ATP2C2: variants seen among roughly 807,000 people sequenced by gnomAD.
ATP2C2 encodes the protein ATPase secretory pathway Ca2+ transporting 2.
A neutral mutation model predicts 110.8 loss-of-function variants in ATP2C2; 171 were observed. The ratio of observed to expected loss-of-function variants is 1.54; its 90% confidence interval spans 1.36 to 1.75. The LOEUF is 1.75. Ranked by LOEUF, ATP2C2 falls within the 40% of genes most tolerant of loss-of-function variation. ATP2C2 has a pLI of 0.00. For missense variants in ATP2C2, 1,963 were observed against 1,235.0 expected (o/e 1.59, Z -8.84); for synonymous variants, 804 against 508.4 (o/e 1.58, Z -7.82).
intron 11 of ATP2C2, among the ~76,000 whole-genome samples, chr16:84,431,645 T>A (rs1908289272): frequency 6.6e-6 from 1 of 151,418 alleles, no homozygotes; most frequent in African/African-American, 2.4e-5. Context: ...TGGGAACATA[T>A]CCGAGGGTCA....
At position 84,372,649 on chromosome 16, in the gene ATP2C2, C is replaced by T. The variant is rs368289698; in HGVS notation, c.99+3935C>T. Among the ~76,000 whole-genome samples the T allele has an allele frequency of 2.1e-3, 316 of 152,078 alleles. 3 individuals carry two copies. The highest frequency in any genetic ancestry group is 7.1e-3 in the African/African-American group (294 of 41,510). On this transcript the variant is annotated intron_variant, in intron 1 of 26. Transcript: ENST00000262429. The stretch of plus-strand genomic sequence containing the variant: ...CCATGTTGGCCAGGCTGGTCTCGAA[C>T]TCCTGACCTCATGATCCGCCTGCCT...
At position 84,460,676 on chromosome 16, in the gene ATP2C2, A is replaced by C; in HGVS notation, c.2356A>C (p.Lys786Gln). The C allele has an allele frequency of 6.2e-7, 1 of 1,614,170 alleles. No individual in the cohort carries two copies. Reference sequence around the variant, plus strand: ...CAGCTTGGGGGTAGAGCCCGTTGACAAAGACGCCTTCAGGCAGCCACCACG... The same window carrying C: ...CAGCTTGGGGGTAGAGCCCGTTGACCAAGACGCCTTCAGGCAGCCACCACG... ...AQSLGVEPVD[K>Q]DAFRQPPRSV... The change falls in exon 24 of 27, where the codon AAA becomes CAA. Residue 786 changes from lysine (K) to glutamine (Q), a missense_variant. Lys to Gln is a moderately conservative substitution (Grantham distance 53). Transcript: ENST00000262429.
At chr16:84,390,922 C>A (rs773807668) in intron 1 of ATP2C2, among the ~76,000 whole-genome samples, 1 of 151,914 alleles carries the variant, frequency 6.6e-6, no homozygotes, top group South Asian at 2.1e-4. Flanking sequence ...GAGACCAGCC[C>A]GGCCAACATG....
rs1222103404 is a variant in ATP2C2 at position 84,451,950 on chromosome 16, G to C, written c.1690G>C (p.Gly564Arg). 1.2e-6 allele frequency: 2 copies of C among 1,614,088 alleles called. No individual in the cohort carries two copies. The highest frequency in any genetic ancestry group is 1.3e-5 in the African/African-American group (1 of 75,030). The stretch of plus-strand genomic sequence containing the variant: ...GGCCCTGGCTTCTGGGCCCGAGCTG[G>C]GGCGGCTGACGTTTCTCGGTCTTGT... ...VLALASGPEL[G>R]RLTFLGLVGI... The change falls in exon 18 of 27, where the codon GGG becomes CGG. Residue 564 changes from glycine to arginine, a missense_variant. Coordinates refer to ENST00000262429, the MANE Select transcript of ATP2C2 (RefSeq NM_014861.4).
chr16:84,399,748 A>G (rs1000926805), intron 2 of ATP2C2, among the ~76,000 whole-genome samples: 2 of 152,222 alleles, frequency 1.3e-5, no homozygotes, highest in Non-Finnish European at 2.9e-5. Context: ...TCAAGCATTT[A>G]TCCTTTGTGT....
chr16:84,425,927 C>T lies in ATP2C2; in HGVS notation c.986+126C>T, dbSNP rs1907775378. The stretch of plus-strand genomic sequence containing the variant: ...GGTTGGGAAGGTGCAGCCCCGTCAC[C>T]CAAACTCCAGCCTCCCAATAGCATG... On this transcript the variant is annotated intron_variant, in intron 11 of 26. Coordinates refer to ENST00000262429, the MANE Select transcript of ATP2C2 (RefSeq NM_014861.4). 9.3e-6 allele frequency: 11 copies of T among 1,177,506 alleles called. No individual in the cohort carries two copies. In the South Asian group the frequency reaches 1.3e-4, roughly 14 times the overall value. 72.9% of individuals were successfully genotyped at this position (1,177,506 alleles called of 1,614,324 possible). A position where few individuals can be genotyped will look rare whatever the true frequency, so the allele number is the denominator to read the frequency against.
At chr16:84,428,197 G>A (rs1479251860) in intron 11 of ATP2C2, among the ~76,000 whole-genome samples, 1 of 152,240 alleles carries the variant, frequency 6.6e-6, no homozygotes, top group Admixed American at 6.5e-5. Context: ...TTTAAGGGTT[G>A]AGTGTACTGG....
At chr16:84,398,424 AAAT>A (rs1314776353) in intron 1 of ATP2C2, 72 bp from the exon 2 acceptor site, 2 of 913,364 alleles carry the variant, frequency 2.2e-6, no homozygotes, top group African/African-American at 3.5e-5. Context: ...AAACTAATAA[AAAT>A]AAAAAATAAA....
intron 1 of ATP2C2, among the ~76,000 whole-genome samples, chr16:84,371,697 C>T (rs751201647): frequency 7.2e-5 from 11 of 152,180 alleles, no homozygotes; most frequent in Non-Finnish European, 1.6e-4. Flanking sequence ...TTAAGTGAGG[C>T]AGGTATAGCC....
At chr16:84,388,415 A>C (rs570170900) in intron 1 of ATP2C2, among the ~76,000 whole-genome samples, 8 of 152,282 alleles carry the variant, frequency 5.3e-5, no homozygotes, top group East Asian at 1.9e-4. Context: ...CTGTCTGCCC[A>C]CCCCTAGGGC....
intron 2 of ATP2C2, among the ~76,000 whole-genome samples, chr16:84,400,162 G>A (rs1266394522): frequency 6.6e-6 from 1 of 151,980 alleles, no homozygotes; most frequent in Non-Finnish European, 1.5e-5. Context: ...TTATTCATTT[G>A]TCTGTTGATG....
intron 24 of ATP2C2, chr16:84,461,058 G>A (rs1911279066): frequency 4.1e-6 from 2 of 483,160 alleles, no homozygotes; most frequent in Non-Finnish European, 7.3e-6. Flanking sequence ...GCCGAGACGG[G>A]AGTTGAAATG....
At chr16:84,449,291 G>T (rs1466412366) in intron 17 of ATP2C2, among the ~76,000 whole-genome samples, 5 of 152,224 alleles carry the variant, frequency 3.3e-5, no homozygotes, top group African/African-American at 9.6e-5. Context: ...GTAGGTTGCT[G>T]GCAGGCTTGC....
intron 7 of ATP2C2, among the ~76,000 whole-genome samples, chr16:84,419,758 A>G (rs549946242): frequency 2.0e-5 from 3 of 152,312 alleles, no homozygotes; most frequent in Admixed American, 2.0e-4. Flanking sequence ...GACACCGTGC[A>G]GGAAGCAGAC....
In ATP2C2 at chr16:84,383,930, C is replaced by G. The variant is rs189217605; in HGVS notation, c.100-14569C>G. Among the ~76,000 whole-genome samples the G allele has an allele frequency of 4.0e-5, 6 of 151,726 alleles. No individual in the cohort carries two copies. In the East Asian group the frequency reaches 1.2e-3, roughly 29 times the overall value. On this transcript the variant is annotated intron_variant, in intron 1 of 26. Transcript: ENST00000262429. ...TCAGCCTCCCCAGTAGCTGGGACTA[C>G]AGGCATGTGCCACCACGCCCAGCTA...
chr16:84,445,958 C>T (rs1909709668), intron 15 of ATP2C2, among the ~76,000 whole-genome samples: 1 of 152,198 alleles, frequency 6.6e-6, no homozygotes, highest in Admixed American at 6.5e-5. Flanking sequence ...GGACGGGGGG[C>T]TGGCAAGGAC....
rs58934576 is a variant in ATP2C2, at chr16:84,397,655, C to CAAAAAAAAAA, written c.100-835_100-826dup. On this transcript the variant is annotated intron_variant, in intron 1 of 26. Transcript: ENST00000262429. ...CACCACTGCACTCCAGCCTGGGTGA[C>CAAAAAAAAAA]AAAAAAAAAAAAAAAAAACTTGCTT... Among the ~76,000 whole-genome samples the CAAAAAAAAAA allele has an allele frequency of 8.1e-3, 516 of 63,452 alleles. 48 individuals are homozygous for CAAAAAAAAAA. Among genetic ancestry groups the CAAAAAAAAAA allele is most frequent in the African/African-American group, 0.02 (456 of 22,692 alleles). 41.6% of individuals were successfully genotyped at this position (63,452 alleles called of 152,430 possible).
At chr16:84,398,711 A>G (rs1406141611) in intron 2 of ATP2C2, 102 bp downstream of exon 2, 6 of 871,028 alleles carry the variant, frequency 6.9e-6, no homozygotes, top group Non-Finnish European at 1.0e-5. Flanking sequence ...CTGTGTTATT[A>G]TCAATTTTAT....
At chr16:84,381,020 T>G (rs565305803) in intron 1 of ATP2C2, among the ~76,000 whole-genome samples, 106 of 152,276 alleles carry the variant, frequency 7.0e-4, no homozygotes, top group African/African-American at 2.5e-3. Flanking sequence ...CGCGTCCGTG[T>G]GAAGAGACCA....
Sources: allele counts gnomAD v4.1 joint callset (sites outside exome capture counted in the v4.1 genomes callset), GRCh38; gene constraint gnomAD v4.1.1; transcripts MANE v1.5; gene names NCBI Gene and HGNC (gene_info 2026-07-23, HGNC 2026-07-21).